Variants in NCKAP5 observed in about 807,000 individuals in gnomAD.
The protein encoded by NCKAP5 is nck-associated protein 5.
Under a neutral mutation model 167.0 loss-of-function variants are expected in NCKAP5, and 92 were observed. The ratio of observed to expected loss-of-function variants is 0.55; its 90% CI spans 0.47 to 0.66. The LOEUF is 0.66. NCKAP5 is among the 30% of genes least tolerant of loss of function. The pLI is 0.00. For missense variants in NCKAP5, 2,378 were observed against 2,315.0 expected (o/e 1.03, Z -0.56); for synonymous variants, 891 against 877.4 (o/e 1.02, Z -0.27).
the NCKAP5 span, among the ~76,000 whole-genome samples, chr2:133,644,373 G>A: frequency 6.6e-6 from 1 of 151,996 alleles, no homozygotes; most frequent in African/African-American, 2.4e-5. Flanking sequence ...CAAGATCTTG[G>A]GACTTAGCTA....
intron 8 of NCKAP5, among the ~76,000 whole-genome samples, chr2:132,885,383 A>G (rs935028774): frequency 2.6e-5 from 4 of 152,194 alleles, no homozygotes; most frequent in Admixed American, 2.6e-4. Flanking sequence ...TAAGTATGTT[A>G]TTAAAGTCAA....
At position 132,731,907 on chromosome 2, in the gene NCKAP5, A is replaced by G. The variant is rs574748963; in HGVS notation, c.5273T>C (p.Leu1758Pro). The G allele has an allele frequency of 1.2e-6, 2 of 1,613,846 alleles. No homozygotes were observed. The highest frequency in any genetic ancestry group is 2.7e-5 in the African/African-American group (2 of 74,924). ...GGCTCTCATGGAAGAAACTGCAGAA[A>G]GGGCTGACTGGAGAGGCAGGAGAGG... Reference protein sequence around the residue: ...AEPLLPLQSALSAVSSMRAQT... With the variant: ...AEPLLPLQSAPSAVSSMRAQT... The change falls in exon 17 of 20, where the codon CTT becomes CCT. Residue 1758 changes from leucine to proline, a missense_variant. Transcript: ENST00000409261.
rs2082622388 is a variant in NCKAP5, at chr2:133,132,099, C to T, written c.208-1988G>A. 3.3e-5 allele frequency among the ~76,000 whole-genome samples: 5 copies of T among 151,932 alleles called. No homozygotes were observed. The South Asian group carries it at 1.0e-3, about 32-fold the overall frequency. ...GGTCAGGAGTTCAAGACCAGCCTGG[C>T]CAAGATGGTGAAACCCCGTCTCTAC... On this transcript the variant is annotated intron_variant, in intron 5 of 19. Coordinates refer to ENST00000409261, the MANE Select transcript of NCKAP5 (RefSeq NM_207363.3).
At chr2:132,902,641 A>G (rs1466180959) in intron 8 of NCKAP5, among the ~76,000 whole-genome samples, 1 of 152,212 alleles carries the variant, frequency 6.6e-6, no homozygotes, top group Admixed American at 6.5e-5. Flanking sequence ...TTTCAGCATA[A>G]AAGGCTTGAT....
chr2:133,475,956 AC>A (rs1010112456), intron 3 of NCKAP5, among the ~76,000 whole-genome samples: 5 of 152,196 alleles, frequency 3.3e-5, no homozygotes, highest in Admixed American at 2.6e-4. Context: ...AAGAAACCCA[AC>A]AAAAACAAAA....
chr2:133,647,539 G>GGAAAGGAAAGGAAAGGAAA, the NCKAP5 span, among the ~76,000 whole-genome samples: 1 of 75,746 alleles, frequency 1.3e-5, no homozygotes, highest in Non-Finnish European at 2.8e-5. Context: ...AAGGAAAGGA[G>GGAAAGGAAAGGAAAGGAAA]GGAGGGAGGG....
intron 4 of NCKAP5, among the ~76,000 whole-genome samples, chr2:133,218,019 C>T (rs775000594): frequency 2.0e-5 from 3 of 151,972 alleles, no homozygotes; most frequent in Non-Finnish European, 2.9e-5. Context: ...AACAGTAGGT[C>T]CCAAATATTT....
chr2:132,888,425 G>T (rs978916473), intron 8 of NCKAP5, among the ~76,000 whole-genome samples: 2 of 151,928 alleles, frequency 1.3e-5, no homozygotes, highest in African/African-American at 4.8e-5. Context: ...AGGGTCTCTT[G>T]CCACTCAGGC....
chr2:133,143,207 A>T (rs931071064), intron 5 of NCKAP5, among the ~76,000 whole-genome samples: 1 of 152,136 alleles, frequency 6.6e-6, no homozygotes, highest in Admixed American at 6.6e-5. Context: ...ATGCACAAAG[A>T]AAATGGTTCC....
At chr2:133,117,823 A>G in intron 6 of NCKAP5, 1 of 152,324 alleles carries the variant, frequency 6.6e-6, no homozygotes, top group Non-Finnish European at 1.5e-5. Context: ...TGACTTCGTG[A>G]TTGAGATATT....
the NCKAP5 span, among the ~76,000 whole-genome samples, chr2:133,662,110 T>C: frequency 6.6e-6 from 1 of 152,166 alleles, no homozygotes; most frequent in Non-Finnish European, 1.5e-5. Context: ...CCTCACGAGA[T>C]TGTGGTAAAA....
At chr2:133,065,463 A>G (rs1559104209) in intron 6 of NCKAP5, among the ~76,000 whole-genome samples, 1 of 152,012 alleles carries the variant, frequency 6.6e-6, no homozygotes, top group Non-Finnish European at 1.5e-5. Flanking sequence ...CGTCTCTACT[A>G]AAAATACAAA....
At chr2:133,607,060 G>A in the NCKAP5 span, among the ~76,000 whole-genome samples, 146 of 152,214 alleles carry the variant, frequency 9.6e-4, no homozygotes, top group African/African-American at 2.9e-3. Context: ...AAAAATCTCC[G>A]AAAGTGAGCC....
intron 6 of NCKAP5, among the ~76,000 whole-genome samples, chr2:133,011,587 G>A (rs1334245296): frequency 1.3e-5 from 2 of 152,226 alleles, no homozygotes; most frequent in African/African-American, 2.4e-5. Context: ...TAGTGAAGTT[G>A]AGTAAATCAA....
intron 4 of NCKAP5, among the ~76,000 whole-genome samples, chr2:133,291,225 A>C (rs1288297708): frequency 6.6e-6 from 1 of 152,200 alleles, no homozygotes; most frequent in Non-Finnish European, 1.5e-5. Context: ...GAATGGGAAG[A>C]CTTGGTCTTA....
At chr2:133,015,929 G>A (rs7572742) in intron 6 of NCKAP5, among the ~76,000 whole-genome samples, 10,942 of 152,020 alleles carry the variant, frequency 0.072, 1,266 homozygotes, top group African/African-American at 0.24. Flanking sequence ...AGAAGTCCTC[G>A]CCAATGGAAG....
intron 3 of NCKAP5, among the ~76,000 whole-genome samples, chr2:133,488,489 C>T (rs761253846): frequency 9.9e-5 from 15 of 152,072 alleles, no homozygotes; most frequent in Non-Finnish European, 1.8e-4. Flanking sequence ...TTAGAGCTCC[C>T]TAGGGCAACA....
chr2:132,674,212 GC>G (rs769931999), intron 19 of NCKAP5, among the ~76,000 whole-genome samples: 6 of 152,168 alleles, frequency 3.9e-5, no homozygotes, highest in Non-Finnish European at 7.3e-5. Flanking sequence ...AGGCCCGGGG[GC>G]TTGGAGATGA....
intron 9 of NCKAP5, among the ~76,000 whole-genome samples, chr2:132,873,250 C>A (rs1300994109): frequency 6.6e-6 from 1 of 151,958 alleles, no homozygotes; most frequent in Non-Finnish European, 1.5e-5. Flanking sequence ...ACTACAGGCG[C>A]CCACCACCAT....
Sources: allele counts gnomAD v4.1 joint callset (sites outside exome capture counted in the v4.1 genomes callset), GRCh38; gene constraint gnomAD v4.1.1; transcripts MANE v1.5; gene names NCBI Gene and HGNC (gene_info 2026-07-23, HGNC 2026-07-21).